Variants in MICAL3 observed in about 807,000 individuals in gnomAD.
The protein encoded by MICAL3 is [F-actin]-monooxygenase MICAL3.
MICAL3 carries 62 observed loss-of-function variants against 207.4 expected under a neutral mutation model. The observed-to-expected ratio is 0.30, with a 90% CI of 0.24 to 0.37. The LOEUF is 0.37. Among genes scored for constraint, MICAL3 ranks in the 10% least tolerant of loss-of-function variants. The pLI, the probability that MICAL3 is intolerant of heterozygous loss-of-function variation, is 1.00. For missense variants in MICAL3, 2,368 were observed against 2,635.6 expected (o/e 0.90, Z 2.22); for synonymous variants, 1,077 against 1,069.3 (o/e 1.01, Z -0.14).
intron 1 of MICAL3, among the ~76,000 whole-genome samples, chr22:17,992,984 T>G (rs1366981207): frequency 1.3e-5 from 2 of 152,182 alleles, no homozygotes; most frequent in Non-Finnish European, 2.9e-5. Context: ...TATATAATTG[T>G]CCACAGGCCC....
intron 1 of MICAL3, among the ~76,000 whole-genome samples, chr22:17,997,611 C>T (rs919628029): frequency 1.7e-4 from 26 of 152,120 alleles, no homozygotes; most frequent in African/African-American, 5.8e-4. Flanking sequence ...ATCCCTAAGG[C>T]CCGTTAGCAC....
At position 17,822,055 on chromosome 22, in the gene MICAL3, G is replaced by T. The variant is rs45514595; in HGVS notation, c.3423C>A (p.Pro1141=). ...CTCTCTCTTGGTGCTTCGGTGAGGC[G>T]GGCAGCTTCTCCTCATCTTCCGACA... is the stretch of plus-strand genomic sequence containing the variant. The part of the protein sequence containing the change: ...LRVSEDEEKL[P]ASPKHQERGP... The change falls in exon 24 of 32, where the codon CCC becomes CCA. Residue 1141 remains proline (P), a synonymous_variant. Coordinates refer to ENST00000441493, the MANE Select transcript of MICAL3 (RefSeq NM_015241.3). 3 of 1,613,820 alleles carry T rather than the reference G, an allele frequency of 1.9e-6. No homozygotes were observed. In the East Asian group the frequency reaches 6.7e-5, roughly 36 times the overall value.
At chr22:17,922,461 G>A (rs1434161768) in intron 1 of MICAL3, among the ~76,000 whole-genome samples, 1 of 152,114 alleles carries the variant, frequency 6.6e-6, no homozygotes, top group African/African-American at 2.4e-5. Context: ...AGTTCCCTAA[G>A]GCATATTAGG....
chr22:17,926,800 C>T (rs920373887), intron 1 of MICAL3, among the ~76,000 whole-genome samples: 2 of 152,226 alleles, frequency 1.3e-5, no homozygotes, highest in African/African-American at 4.8e-5. Context: ...CTAAATTCCT[C>T]GCCCATTTAT....
intron 16 of MICAL3, among the ~76,000 whole-genome samples, chr22:17,877,504 T>TGGAGGTTATGGAGGTTAGGGAGGTTAG (rs1928910192): frequency 1.6e-5 from 1 of 63,582 alleles, no homozygotes; most frequent in African/African-American, 8.0e-5. Context: ...AGGGAGGTTA[T>TGGAGGTTATGGAGGTTAGGGAGGTTAG]GGAGGTTAGG....
intron 1 of MICAL3, among the ~76,000 whole-genome samples, chr22:17,938,057 T>A (rs1468796828): frequency 1.3e-5 from 2 of 152,236 alleles, no homozygotes; most frequent in Non-Finnish European, 2.9e-5. Flanking sequence ...TCTTTATTTA[T>A]TAAATTTTTT....
intron 1 of MICAL3, among the ~76,000 whole-genome samples, chr22:18,016,722 C>G (rs1254114046): frequency 6.6e-6 from 1 of 152,102 alleles, no homozygotes; most frequent in Non-Finnish European, 1.5e-5. Flanking sequence ...AGGCGGATCA[C>G]GAGGTCAGGA....
At chr22:17,839,927 C>CTTTTTTTTTTTTTT (rs67852343) in intron 20 of MICAL3, 3 of 95,846 alleles carry the variant, frequency 3.1e-5, no homozygotes, top group East Asian at 3.0e-4. Context: ...TTTTAATTAT[C>CTTTTTTTTTTTTTT]TTTTTTTTTT....
intron 1 of MICAL3, among the ~76,000 whole-genome samples, chr22:17,997,059 T>C (rs898053193): frequency 1.9e-4 from 27 of 141,654 alleles, no homozygotes; most frequent in African/African-American, 7.2e-4. Context: ...TCTTTTTTTT[T>C]TTTTTTTTTT....
At chr22:17,791,683 TGTTAAAC>T (rs1290512028) in intron 29 of MICAL3, 4 of 226,452 alleles carry the variant, frequency 1.8e-5, no homozygotes, top group Non-Finnish European at 3.5e-5. Context: ...AAACCCGTCT[TGTTAAAC>T]GAGACAAATG....
intron 1 of MICAL3, among the ~76,000 whole-genome samples, chr22:17,982,436 G>A (rs1290646806): frequency 6.6e-6 from 1 of 152,190 alleles, no homozygotes; most frequent in Non-Finnish European, 1.5e-5. Context: ...CAGCACTTTG[G>A]GAGAGGTGGG....
intron 6 of MICAL3, among the ~76,000 whole-genome samples, chr22:17,899,869 G>A (rs528871710): frequency 2.0e-5 from 3 of 152,100 alleles, no homozygotes; most frequent in African/African-American, 7.2e-5. Context: ...ATTAGTTATC[G>A]GGTTAAGCCT....
chr22:17,831,555 G>T (rs1042221121), intron 21 of MICAL3, among the ~76,000 whole-genome samples: 31 of 152,322 alleles, frequency 2.0e-4, no homozygotes, highest in African/African-American at 7.5e-4. Context: ...AAGAGAAAAC[G>T]AGGTGGAGAC....
intron 10 of MICAL3, among the ~76,000 whole-genome samples, chr22:17,894,309 T>C (rs1930639600): frequency 6.6e-6 from 1 of 151,150 alleles, no homozygotes; most frequent in African/African-American, 2.4e-5. Context: ...GGAGGATCCC[T>C]TGAGACCAGG....
In MICAL3 at chr22:17,827,528, T is replaced by A. The variant is rs886228040; in HGVS notation, c.3193+116A>T. The A allele has an allele frequency of 1.1e-5, 12 of 1,129,370 alleles. No individual in the cohort carries two copies. In the African/African-American group the frequency reaches 1.7e-4, roughly 16 times the overall value. 70.0% of individuals were successfully genotyped at this position (1,129,370 alleles called of 1,614,324 possible). On this transcript the variant is annotated intron_variant, in intron 22 of 31. Transcript: ENST00000441493. The stretch of plus-strand genomic sequence containing the variant: ...AGCAGCAAAGCGGGATGCGCCTGGC[T>A]CCCGTGTGTGACCTCATGGGTGGCT...
intron 1 of MICAL3, among the ~76,000 whole-genome samples, chr22:17,927,437 G>A (rs1932975110): frequency 6.6e-6 from 1 of 152,070 alleles, no homozygotes; most frequent in Admixed American, 6.5e-5. Flanking sequence ...CCCATACTAT[G>A]TTTCTTCCAA....
intron 16 of MICAL3, among the ~76,000 whole-genome samples, chr22:17,880,332 C>T (rs753927681): frequency 2.6e-5 from 4 of 152,194 alleles, no homozygotes; most frequent in Non-Finnish European, 5.9e-5. Flanking sequence ...TGAGAACTGA[C>T]GGAGACACAG....
At chr22:17,838,519 T>C (rs1923644490) in intron 20 of MICAL3, among the ~76,000 whole-genome samples, 1 of 152,206 alleles carries the variant, frequency 6.6e-6, no homozygotes, top group Non-Finnish European at 1.5e-5. Flanking sequence ...CCGTGCTTTA[T>C]ACGACTTAAT....
At chr22:17,911,999 G>A (rs1385560536) in intron 1 of MICAL3, among the ~76,000 whole-genome samples, 1 of 152,074 alleles carries the variant, frequency 6.6e-6, no homozygotes, top group Non-Finnish European at 1.5e-5. Context: ...GTACTGAGTA[G>A]TCCTGGTATC....
Sources: gnomAD v4.1 joint callset for allele counts (sites outside exome capture counted in the v4.1 genomes callset) on GRCh38, gnomAD v4.1.1 for gene constraint, MANE v1.5 for transcripts, NCBI Gene and HGNC (gene_info 2026-07-23, HGNC 2026-07-21) for gene names.